The following PODN variants were observed in gnomAD, a reference collection of about 807,000 sequenced individuals.
The protein encoded by PODN is podocan.
A neutral mutation model predicts 52.7 loss-of-function variants in PODN; 40 were observed. That is an observed-to-expected ratio of 0.76 (90% CI 0.59 to 0.99). PODN has a LOEUF of 0.99. Among genes scored for constraint, PODN ranks in the 50% least tolerant of loss-of-function variants. The pLI is 0.00. For missense variants in PODN, 720 were observed against 815.1 expected, an observed-to-expected ratio of 0.88 and a Z score of 1.42; for synonymous variants, 396 against 377.9, an observed-to-expected ratio of 1.05 and a Z score of -0.56.
At chr1:53,074,796 A>C in intron 4 of PODN, 126 bp downstream of exon 4, 11 of 296,144 alleles carry the variant, frequency 3.7e-5, no homozygotes, top group South Asian at 1.2e-4. Context: ...CTGCTCAGAC[A>C]TGGCCCTGGG....
chr1:53,075,616 C>G (rs1454339305), intron 4 of PODN, among the ~76,000 whole-genome samples: 1 of 152,226 alleles, frequency 6.6e-6, no homozygotes, highest in East Asian at 1.9e-4. Flanking sequence ...GCGGGATGAA[C>G]CCAGGAGGAC....
At chr1:53,062,993 G>C (rs1294372823) in intron 1 of PODN, among the ~76,000 whole-genome samples, 2 of 152,252 alleles carry the variant, frequency 1.3e-5, no homozygotes, top group Non-Finnish European at 2.9e-5. Flanking sequence ...AGGGAGGAAG[G>C]GGTGGGGGTC....
chr1:53,074,759 T>C, intron 4 of PODN, 89 bp downstream of exon 4: 3 of 1,280,240 alleles, frequency 2.3e-6, no homozygotes, highest in East Asian at 3.4e-5. Context: ...CCAGGGCCTT[T>C]CTGGACTCCC....
At chr1:53,063,658 C>G (rs1643992613) in intron 1 of PODN, 1 of 823,236 alleles carries the variant, frequency 1.2e-6, no homozygotes. Context: ...GGGCCCAAGA[C>G]CCAGTCTACT....
At chr1:53,081,833 C>A in intron 9 of PODN, 148 bp from the exon 10 acceptor site, 1 of 1,216,496 alleles carries the variant, frequency 8.2e-7, no homozygotes, top group Non-Finnish European at 1.1e-6. Flanking sequence ...ATGTACTGCG[C>A]TCTCAGCCCC....
At position 53,077,743 on chromosome 1, in the gene PODN, A is replaced by G; in HGVS notation, c.797A>G (p.Glu266Gly). The G allele has an allele frequency of 6.2e-7, 1 of 1,613,688 alleles. No homozygotes were observed. ...TTCAGCGAGCTGAGCAGCCTGCGCG[A>G]GCTATACCTGCAGAACAACTACCTG... ...GAFSELSSLR[E>G]LYLQNNYLTD... is the part of the protein sequence containing the mutation. The change falls in exon 7 of 11, where the codon GAG becomes GGG. Residue 266 changes from glutamate to glycine, a missense_variant. By Grantham distance (98) the Glu-to-Gly change is moderately conservative. Coordinates refer to ENST00000312553, the MANE Select transcript of PODN (RefSeq NM_153703.5).
Position 53,066,188 on chromosome 1 carries a change from A to T in PODN, c.-55-3613A>T, listed in dbSNP as rs1388696413. On this transcript the variant is annotated intron_variant, in intron 1 of 10. Transcript: ENST00000312553. ...TTTTTTGTATTTTTTAGAGAGACGA[A>T]GTTTCGCCATCTTGCCCAGGCTGGT... 2.0e-5 allele frequency among the ~76,000 whole-genome samples: 3 copies of T among 151,798 alleles called. No individual in the cohort carries two copies. In the East Asian group the frequency reaches 5.8e-4, roughly 29 times the overall value.
chr1:53,075,062 G>C (rs186977651), intron 4 of PODN, among the ~76,000 whole-genome samples: 2 of 152,124 alleles, frequency 1.3e-5, no homozygotes, highest in African/African-American at 2.4e-5. Context: ...AGGCACAAGG[G>C]TACTCATGTT....
At chr1:53,063,340 C>A in intron 1 of PODN, 2 of 985,380 alleles carry the variant, frequency 2.0e-6, no homozygotes, top group Non-Finnish European at 2.4e-6. Flanking sequence ...AATTACTGAC[C>A]TGTCTGCCCT....
rs1039563120 is a variant in PODN at position 53,079,129 on chromosome 1, G to T, written c.1512+107G>T. The T allele has an allele frequency of 1.2e-4, 160 of 1,356,388 alleles. 1 individual carries two copies. In the East Asian group the frequency reaches 4.0e-3, roughly 34 times the overall value. 84.0% of individuals were successfully genotyped at this position (1,356,388 alleles called of 1,614,324 possible). A position where few individuals can be genotyped will look rare whatever the true frequency, so the allele number is the denominator to read the frequency against. On this transcript the variant is annotated intron_variant, in intron 8 of 10. Coordinates refer to ENST00000312553, the MANE Select transcript of PODN (RefSeq NM_153703.5). Reference sequence around the variant, plus strand: ...TGAGGAGAAGGGCTGGGTGGTGAGGGAGGTTCCTCTGGTATGGCCAGGCTG... The same window carrying T: ...TGAGGAGAAGGGCTGGGTGGTGAGGTAGGTTCCTCTGGTATGGCCAGGCTG...
chr1:53,066,450 T>G (rs919160355), intron 1 of PODN, among the ~76,000 whole-genome samples: 2 of 152,236 alleles, frequency 1.3e-5, no homozygotes, highest in African/African-American at 2.4e-5. Context: ...ACGACATCTT[T>G]GAGATCTATG....
intron 10 of PODN, among the ~76,000 whole-genome samples, chr1:53,083,945 GC>G (rs1644328574): frequency 3.3e-5 from 5 of 152,166 alleles, no homozygotes; most frequent in Admixed American, 3.3e-4. Flanking sequence ...CTGAAGTAGG[GC>G]CTGGGACGAA....
chr1:53,069,379 G>A (rs1373243758), intron 1 of PODN, among the ~76,000 whole-genome samples: 1 of 152,222 alleles, frequency 6.6e-6, no homozygotes, highest in Non-Finnish European at 1.5e-5. Flanking sequence ...ACCAAGTCAG[G>A]AAGGCCTGAG....
Position 53,077,756 on chromosome 1 carries a change from G to A in PODN, c.810G>A (p.Gln270=). The A allele has an allele frequency of 6.2e-7, 1 of 1,613,766 alleles. No individual in the cohort carries two copies. The highest frequency in any genetic ancestry group is 1.1e-5 in the South Asian group (1 of 91,078). ...GCAGCCTGCGCGAGCTATACCTGCA[G>A]AACAACTACCTGACTGACGAGGGCC... ...ELSSLRELYL[Q]NNYLTDEGLD... Residue 270 remains glutamine, a synonymous_variant, in exon 7 of 11, where the codon CAG becomes CAA. Transcript: ENST00000312553.
At chr1:53,062,357 C>A in intron 1 of PODN, 49 bp downstream of exon 1, 1 of 1,205,490 alleles carries the variant, frequency 8.3e-7, no homozygotes. Flanking sequence ...GGGGCTGAGC[C>A]CGGGCAGCGC....
chr1:53,066,698 C>G, intron 1 of PODN: 3 of 909,998 alleles, frequency 3.3e-6, no homozygotes, highest in East Asian at 2.8e-5. Flanking sequence ...CACTTAACAG[C>G]TGTTCACTGG....
At chr1:53,077,889 C>T in intron 7 of PODN, 89 bp downstream of exon 7, 8 of 1,023,452 alleles carry the variant, frequency 7.8e-6, no homozygotes, top group Non-Finnish European at 1.2e-5. Context: ...CCCAGCCCCT[C>T]ACGCACGTCC....
At chr1:53,071,283 C>A in intron 2 of PODN, 1 of 427,560 alleles carries the variant, frequency 2.3e-6, no homozygotes. Flanking sequence ...TTGAACTGCC[C>A]GTAGATGTCC....
At chr1:53,063,372 A>T in intron 1 of PODN, 1 of 985,912 alleles carries the variant, frequency 1.0e-6, no homozygotes. Flanking sequence ...CTGGCCAGGG[A>T]AGGGGAAGCT....
Sources: allele counts gnomAD v4.1 joint callset (sites outside exome capture counted in the v4.1 genomes callset), GRCh38; gene constraint gnomAD v4.1.1; transcripts MANE v1.5; gene names NCBI Gene and HGNC (gene_info 2026-07-23, HGNC 2026-07-21).